BCAT1: variants seen among roughly 807,000 people sequenced by gnomAD.
BCAT1 encodes branched chain amino acid transaminase 1.
In BCAT1, 48 loss-of-function variants were observed where a neutral mutation model predicts 52.4. The ratio of observed to expected loss-of-function variants is 0.92; its 90% CI spans 0.73 to 1.16. The LOEUF (loss-of-function observed/expected upper bound fraction) is 1.16, where lower values mean the gene tolerates loss of function less well. BCAT1 is among the 50% of genes most tolerant of loss of function. BCAT1 has a pLI of 0.00. For missense variants in BCAT1, 451 were observed against 457.1 expected, an observed-to-expected ratio of 0.99 and a Z score of 0.12; for synonymous variants, 167 against 161.3, an observed-to-expected ratio of 1.04 and a Z score of -0.27.
At chr12:24,925,940 C>T (rs1470560658) in intron 1 of BCAT1, among the ~76,000 whole-genome samples, 2 of 152,350 alleles carry the variant, frequency 1.3e-5, no homozygotes, top group East Asian at 1.9e-4. Flanking sequence ...CGGCTCGCTA[C>T]AACCTCCACC....
chr12:24,886,654 A>C (rs1297517375), intron 3 of BCAT1, among the ~76,000 whole-genome samples: 1 of 152,056 alleles, frequency 6.6e-6, no homozygotes, highest in Non-Finnish European at 1.5e-5. Context: ...TAAAATTAAT[A>C]ATTGTTACTG....
intron 1 of BCAT1, among the ~76,000 whole-genome samples, chr12:24,930,506 C>T (rs1480050031): frequency 6.6e-6 from 1 of 152,226 alleles, no homozygotes; most frequent in Non-Finnish European, 1.5e-5. Context: ...GCAGAGCTGA[C>T]ACTGCTATGT....
intron 1 of BCAT1, chr12:24,904,089 C>T (rs1943184547): frequency 6.6e-6 from 1 of 152,284 alleles, no homozygotes; most frequent in Admixed American, 6.5e-5. Context: ...CACAGAAAGG[C>T]CTCTTACGCT....
intron 1 of BCAT1, among the ~76,000 whole-genome samples, chr12:24,913,338 C>A (rs147224248): frequency 6.6e-6 from 1 of 152,190 alleles, no homozygotes; most frequent in African/African-American, 2.4e-5. Context: ...CTAGCAAGGC[C>A]GATCCTGGCA....
intron 3 of BCAT1, among the ~76,000 whole-genome samples, chr12:24,887,080 A>AAAAAAAAAAAAATATATATAT (rs1245203518): frequency 4.9e-5 from 2 of 40,746 alleles, no homozygotes; most frequent in African/African-American, 1.5e-4. Context: ...AAAAAAAAAA[A>AAAAAAAAAAAAATATATATAT]ATATATATAT....
chr12:24,817,372 C>G lies in BCAT1; in HGVS notation c.*636G>C, dbSNP rs893805702. 6.5e-6 allele frequency: 1 copy of G among 152,730 alleles called. No homozygotes were observed. Among genetic ancestry groups the G allele is most frequent in the African/African-American group, 2.4e-5 (1 of 41,390 alleles). The allele number at this position is 152,730 out of a possible 1,614,324, so 9.5% of individuals were successfully genotyped here. A position where few individuals can be genotyped will look rare whatever the true frequency, so the allele number is the denominator to read the frequency against. ...AGTCTTGTAGTCGCCTGACAGCCAG[C>G]CAGCTACAACATAATGTGGAAAGGA... On this transcript the variant is annotated 3_prime_UTR_variant, in exon 11 of 11. Transcript: ENST00000261192.
At chr12:24,935,779 C>T (rs1943744357) in intron 1 of BCAT1, among the ~76,000 whole-genome samples, 1 of 152,146 alleles carries the variant, frequency 6.6e-6, no homozygotes, top group African/African-American at 2.4e-5. Context: ...ATTCTGCTTC[C>T]CATATAACTG....
chr12:24,880,063 AG>A (rs1942450300), intron 4 of BCAT1, among the ~76,000 whole-genome samples: 1 of 152,182 alleles, frequency 6.6e-6, no homozygotes, highest in African/African-American at 2.4e-5. Flanking sequence ...CCTCCAAAGG[AG>A]ATGGGTGAAA....
Position 24,895,748 on chromosome 12 carries a change from A to T in BCAT1, c.79-1273T>A, listed in dbSNP as rs550535343. Among the ~76,000 whole-genome samples the T allele has an allele frequency of 2.8e-3, 428 of 152,306 alleles. 1 individual carries two copies. Among genetic ancestry groups the T allele is most frequent in the Admixed American group, 6.5e-3 (100 of 15,290 alleles). ...ATCATCAGCTCTTATCATTATTTTT[A>T]AAATGATCTAATTCTGTTTAATTCA... is the stretch of plus-strand genomic sequence containing the variant. On this transcript the variant is annotated intron_variant, in intron 2 of 10. Transcript: ENST00000261192.
chr12:24,855,393 A>G (rs912154932), intron 5 of BCAT1, among the ~76,000 whole-genome samples: 2 of 151,324 alleles, frequency 1.3e-5, no homozygotes, highest in African/African-American at 4.9e-5. Context: ...TTGTTTTTTT[A>G]GATGGAGTCT....
intron 9 of BCAT1, among the ~76,000 whole-genome samples, chr12:24,831,324 G>C (rs1209954578): frequency 6.6e-6 from 1 of 152,142 alleles, no homozygotes; most frequent in Non-Finnish European, 1.5e-5. Flanking sequence ...TGAACAGCAG[G>C]CTACTAGTAG....
intron 5 of BCAT1, among the ~76,000 whole-genome samples, chr12:24,856,276 A>T (rs1479661855): frequency 1.3e-5 from 2 of 152,056 alleles, no homozygotes; most frequent in African/African-American, 2.4e-5. Context: ...CCCACGCTCA[A>T]ACCATACTGA....
At chr12:24,888,262 ACT>A (rs1232290901) in intron 3 of BCAT1, among the ~76,000 whole-genome samples, 1 of 152,152 alleles carries the variant, frequency 6.6e-6, no homozygotes, top group Non-Finnish European at 1.5e-5. Flanking sequence ...TAATCTCGGC[ACT>A]GAGGCAGGCG....
intron 5 of BCAT1, among the ~76,000 whole-genome samples, chr12:24,852,203 G>A (rs1941535375): frequency 6.6e-6 from 1 of 152,134 alleles, no homozygotes; most frequent in Non-Finnish European, 1.5e-5. Context: ...TGTTAAGCCT[G>A]CAGAACTGTG....
At chr12:24,838,344 T>C (rs1346318556) in intron 7 of BCAT1, among the ~76,000 whole-genome samples, 4 of 152,202 alleles carry the variant, frequency 2.6e-5, no homozygotes, top group Non-Finnish European at 4.4e-5. Context: ...GAAAATCATC[T>C]GCTGAAAATT....
intron 5 of BCAT1, among the ~76,000 whole-genome samples, chr12:24,877,878 G>A (rs893777145): frequency 1.3e-5 from 2 of 152,196 alleles, no homozygotes; most frequent in Non-Finnish European, 2.9e-5. Flanking sequence ...CTCCGGTCAG[G>A]TGAAGTGGCT....
At chr12:24,887,111 A>ATATATATAT (rs1942702628) in intron 3 of BCAT1, among the ~76,000 whole-genome samples, 8 of 127,194 alleles carry the variant, frequency 6.3e-5, no homozygotes, top group East Asian at 2.2e-4. Context: ...ATATATATAT[A>ATATATATAT]AAGCTGATAA....
At chr12:24,935,497 A>G (rs1943739689) in intron 1 of BCAT1, among the ~76,000 whole-genome samples, 1 of 152,148 alleles carries the variant, frequency 6.6e-6, no homozygotes, top group South Asian at 2.1e-4. Context: ...TCCCTGCCAC[A>G]GCCCCTAACC....
chr12:24,870,481 T>G (rs1303744151), intron 5 of BCAT1, among the ~76,000 whole-genome samples: 1 of 152,156 alleles, frequency 6.6e-6, no homozygotes, highest in African/African-American at 2.4e-5. Flanking sequence ...TCCCACTTCT[T>G]CACAGCAGTG....
Sources: allele counts gnomAD v4.1 joint callset (sites outside exome capture counted in the v4.1 genomes callset), GRCh38; gene constraint gnomAD v4.1.1; transcripts MANE v1.5; gene names NCBI Gene and HGNC (gene_info 2026-07-23, HGNC 2026-07-21).